Variants in PLCB1 observed in about 807,000 individuals in gnomAD.
The protein encoded by PLCB1 is phospholipase C beta 1.
Under a neutral mutation model 161.8 loss-of-function variants are expected in PLCB1, and 46 were observed. That is an observed-to-expected ratio of 0.28 (90% CI 0.22 to 0.36). PLCB1 has a LOEUF of 0.36. Ranked by LOEUF, PLCB1 falls within the 10% of genes least tolerant of loss-of-function variation. The probability of loss-of-function intolerance (pLI) is 1.00; values close to 1 mark genes in which losing one functional copy is unlikely to be tolerated. For missense variants in PLCB1, 1,016 were observed against 1,472.5 expected (o/e 0.69, Z 5.07); for synonymous variants, 517 against 503.7 (o/e 1.03, Z -0.35).
chr20:8,384,537 T>C (rs963605284), intron 3 of PLCB1, among the ~76,000 whole-genome samples: 8 of 152,104 alleles, frequency 5.3e-5, no homozygotes, highest in Non-Finnish European at 1.0e-4. Context: ...TTCGTCCATC[T>C]CATCCTCTGT....
chr20:8,793,198 CAG>C (rs983623602), intron 31 of PLCB1, among the ~76,000 whole-genome samples: 14 of 152,274 alleles, frequency 9.2e-5, no homozygotes, highest in African/African-American at 3.1e-4. Context: ...GATAAGAAAA[CAG>C]AGTGATTTCG....
At chr20:8,297,697 G>A (rs1189962783) in intron 2 of PLCB1, among the ~76,000 whole-genome samples, 5 of 152,046 alleles carry the variant, frequency 3.3e-5, no homozygotes, top group African/African-American at 1.2e-4. Context: ...ATTTTAAAAG[G>A]TGAGGCATAG....
chr20:8,294,882 C>T (rs891268775), intron 2 of PLCB1, among the ~76,000 whole-genome samples: 10 of 151,762 alleles, frequency 6.6e-5, no homozygotes, highest in Non-Finnish European at 1.0e-4. Flanking sequence ...AAATGACCAT[C>T]GATAGGAAAA....
intron 27 of PLCB1, among the ~76,000 whole-genome samples, chr20:8,783,296 G>A (rs1207217463): frequency 1.3e-5 from 2 of 152,128 alleles, no homozygotes; most frequent in Non-Finnish European, 1.5e-5. Flanking sequence ...ACCTTTAATA[G>A]TCAGTTTACT....
intron 2 of PLCB1, among the ~76,000 whole-genome samples, chr20:8,267,197 G>A (rs533975233): frequency 7.9e-6 from 1 of 126,548 alleles, no homozygotes; most frequent in East Asian, 2.4e-4. Flanking sequence ...CAATAATCAT[G>A]CCTTAAGGGT....
At chr20:8,520,360 G>A (rs1345624202) in intron 3 of PLCB1, among the ~76,000 whole-genome samples, 1 of 152,084 alleles carries the variant, frequency 6.6e-6, no homozygotes, top group Non-Finnish European at 1.5e-5. Flanking sequence ...ACAAAGACTA[G>A]AGTTTGGATA....
At chr20:8,877,886 A>G (rs901456833) in intron 31 of PLCB1, among the ~76,000 whole-genome samples, 12 of 152,214 alleles carry the variant, frequency 7.9e-5, no homozygotes, top group African/African-American at 2.9e-4. Flanking sequence ...AATATAATAA[A>G]ATCTACTACT....
At chr20:8,770,549 G>A (rs1345944035) in intron 26 of PLCB1, among the ~76,000 whole-genome samples, 1 of 152,168 alleles carries the variant, frequency 6.6e-6, no homozygotes, top group Non-Finnish European at 1.5e-5. Flanking sequence ...TGTGCCCAAG[G>A]TGTTCAGAGC....
At chr20:8,848,668 C>T (rs1250898540) in intron 31 of PLCB1, among the ~76,000 whole-genome samples, 2 of 152,212 alleles carry the variant, frequency 1.3e-5, no homozygotes, top group Non-Finnish European at 1.5e-5. Flanking sequence ...AGCTACTCAC[C>T]TCATGAGGAG....
intron 31 of PLCB1, among the ~76,000 whole-genome samples, chr20:8,803,288 A>G (rs1190619901): frequency 6.6e-6 from 1 of 152,040 alleles, no homozygotes; most frequent in East Asian, 1.9e-4. Context: ...ATGCTGCCAC[A>G]GTTCCAGGGA....
intron 31 of PLCB1, among the ~76,000 whole-genome samples, chr20:8,814,503 T>C (rs748952633): frequency 1.3e-5 from 2 of 152,136 alleles, no homozygotes; most frequent in Non-Finnish European, 2.9e-5. Context: ...TAGTGTTCCA[T>C]CTATCCATCC....
chr20:8,199,402 T>A (rs1166943835), intron 2 of PLCB1, among the ~76,000 whole-genome samples: 1 of 152,140 alleles, frequency 6.6e-6, no homozygotes, highest in African/African-American at 2.4e-5. Context: ...TCTCTCAGAA[T>A]AAAACTGCTC....
chr20:8,585,005 GC>G (rs1986946346), intron 3 of PLCB1, among the ~76,000 whole-genome samples: 1 of 152,008 alleles, frequency 6.6e-6, no homozygotes, highest in Non-Finnish European at 1.5e-5. Flanking sequence ...ATTCTCTTTA[GC>G]CCAACATGAT....
At chr20:8,413,685 A>G (rs929453027) in intron 3 of PLCB1, among the ~76,000 whole-genome samples, 1 of 152,236 alleles carries the variant, frequency 6.6e-6, no homozygotes, top group African/African-American at 2.4e-5. Flanking sequence ...AACATCCAAT[A>G]GACAACTAAA....
At chr20:8,448,616 T>G (rs1788939712) in intron 3 of PLCB1, among the ~76,000 whole-genome samples, 1 of 152,180 alleles carries the variant, frequency 6.6e-6, no homozygotes, top group African/African-American at 2.4e-5. Flanking sequence ...AATAACAATA[T>G]CTGTTCTTTC....
chr20:8,288,718 T>C (rs555093136), intron 2 of PLCB1, among the ~76,000 whole-genome samples: 7 of 152,142 alleles, frequency 4.6e-5, no homozygotes, highest in Non-Finnish European at 1.0e-4. Context: ...ATCTGCAGGA[T>C]GGGTGCAATG....
At chr20:8,761,274 C>T (rs922289990) in intron 25 of PLCB1, among the ~76,000 whole-genome samples, 5 of 152,146 alleles carry the variant, frequency 3.3e-5, no homozygotes, top group African/African-American at 7.2e-5. Context: ...CTGTAGAAAC[C>T]TGGATTTGGA....
chr20:8,838,755 G>GAT (rs1555794169), intron 31 of PLCB1, among the ~76,000 whole-genome samples: 8 of 17,836 alleles, frequency 4.5e-4, no homozygotes, highest in African/African-American at 4.2e-4. Context: ...CAACTTACTT[G>GAT]ACGTGCAGAA....
At chr20:8,311,864 A>C (rs1984416981) in intron 2 of PLCB1, among the ~76,000 whole-genome samples, 1 of 152,148 alleles carries the variant, frequency 6.6e-6, no homozygotes, top group African/African-American at 2.4e-5. Context: ...AAACACATAT[A>C]CAGTTGTGGG....
Sources: allele counts gnomAD v4.1 joint callset (sites outside exome capture counted in the v4.1 genomes callset), GRCh38; gene constraint gnomAD v4.1.1; transcripts MANE v1.5; gene names NCBI Gene and HGNC (gene_info 2026-07-23, HGNC 2026-07-21).